BCO1: variants seen among roughly 807,000 people sequenced by gnomAD.
The protein encoded by BCO1 is beta-carotene oxygenase 1, also known as beta,beta-carotene 15,15'-dioxygenase.
In BCO1, 54 loss-of-function variants were observed where a neutral mutation model predicts 56.3. The ratio of observed to expected loss-of-function variants is 0.96; its 90% CI spans 0.77 to 1.20. The LOEUF (loss-of-function observed/expected upper bound fraction) is 1.20. Among genes scored for constraint, BCO1 ranks in the 50% most tolerant of loss-of-function variants. The pLI, the probability that BCO1 is intolerant of heterozygous loss-of-function variation, is 0.00. For missense variants in BCO1, 801 were observed against 690.9 expected, an observed-to-expected ratio of 1.16 and a Z score of -1.79; for synonymous variants, 318 against 266.1, an observed-to-expected ratio of 1.20 and a Z score of -1.90.
At chr16:81,244,075 T>C (rs2151925227) in intron 1 of BCO1, among the ~76,000 whole-genome samples, 1 of 152,342 alleles carries the variant, frequency 6.6e-6, no homozygotes, top group African/African-American at 2.4e-5. Context: ...TCCGAGGTGC[T>C]TCCTGCTCTT....
At chr16:81,269,938 C>T (rs1732636961) in intron 6 of BCO1, among the ~76,000 whole-genome samples, 1 of 152,236 alleles carries the variant, frequency 6.6e-6, no homozygotes, top group South Asian at 2.1e-4. Flanking sequence ...AAGCATCCCT[C>T]CTCTCCATCT....
In BCO1 at chr16:81,281,026, C is replaced by G. The variant is rs981788673; in HGVS notation, c.1207+64C>G. The G allele has an allele frequency of 4.2e-6, 5 of 1,180,506 alleles. No individual in the cohort carries two copies. The African/African-American group carries it at 6.0e-5, about 14-fold the overall frequency. 73.1% of individuals were successfully genotyped at this position (1,180,506 alleles called of 1,614,324 possible). A position where few individuals can be genotyped will look rare whatever the true frequency, so the allele number is the denominator to read the frequency against. Reference sequence around the variant, plus strand: ...CAGATTTTCACAGGGAGCCCAGAGGCCTCTTTACATAATAATTCCCTCCTG... The same window carrying G: ...CAGATTTTCACAGGGAGCCCAGAGGGCTCTTTACATAATAATTCCCTCCTG... On this transcript the variant is annotated intron_variant, in intron 8 of 10. Transcript: ENST00000258168.
At position 81,285,498 on chromosome 16, in the gene BCO1, C is replaced by G. The variant is rs371953358; in HGVS notation, c.1208-42C>G. 2.1e-6 allele frequency: 3 copies of G among 1,428,348 alleles called. No homozygotes were observed. In the African/African-American group the frequency reaches 4.2e-5, roughly 20 times the overall value. 88.5% of individuals were successfully genotyped at this position (1,428,348 alleles called of 1,614,324 possible). A position where few individuals can be genotyped will look rare whatever the true frequency, so the allele number is the denominator to read the frequency against. ...ACAGGAAGGGTGGATGCTCCCAGCC[C>G]CCAATGATAGGGGCTTCATCCACCT... On this transcript the variant is annotated intron_variant, in intron 8 of 10. Coordinates refer to ENST00000258168, the MANE Select transcript of BCO1 (RefSeq NM_017429.3).
intron 2 of BCO1, among the ~76,000 whole-genome samples, chr16:81,249,414 G>A (rs535931417): frequency 2.0e-5 from 3 of 152,002 alleles, no homozygotes; most frequent in Admixed American, 6.6e-5. Context: ...CCACCACCAC[G>A]CCTGGCTAAT....
In BCO1 at chr16:81,268,038, G is replaced by A. The variant is rs778999609; in HGVS notation, c.750G>A (p.Glu250=). 1 of 1,613,712 alleles carries A rather than the reference G, an allele frequency of 6.2e-7. No individual in the cohort carries two copies. The highest frequency in any genetic ancestry group is 8.5e-7 in the Non-Finnish European group (1 of 1,180,002). The change falls in exon 6 of 11, where the codon GAG becomes GAA. Residue 250 remains glutamate (E), a synonymous_variant. Transcript: ENST00000258168. ...CCGAGAACTATGTCATCTTCCTTGAGCAGCCTTTCAGGTTGGATATTCTCA... is the reference window on the plus strand; with the variant it reads ...CCGAGAACTATGTCATCTTCCTTGAACAGCCTTTCAGGTTGGATATTCTCA... ...GVTENYVIFL[E]QPFRLDILKM... is the part of the protein sequence containing the mutation.
intron 3 of BCO1, 74 bp downstream of exon 3, chr16:81,259,879 G>C: frequency 6.3e-7 from 1 of 1,578,998 alleles, no homozygotes; most frequent in Non-Finnish European, 8.7e-7. Context: ...ACCAGCATTT[G>C]CTCCTCTGAC....
At chr16:81,290,159 G>A (rs541647287) in intron 10 of BCO1, among the ~76,000 whole-genome samples, 189 bp from the exon 11 acceptor site, 1 of 152,098 alleles carries the variant, frequency 6.6e-6, no homozygotes, top group African/African-American at 2.4e-5. Context: ...CACCGCGCCC[G>A]GCCTAGAACC....
chr16:81,271,480 C>T (rs560437675), intron 7 of BCO1, among the ~76,000 whole-genome samples: 3 of 152,246 alleles, frequency 2.0e-5, no homozygotes, highest in South Asian at 2.1e-4. Context: ...TCCACCACCA[C>T]GATAAATTTT....
intron 2 of BCO1, among the ~76,000 whole-genome samples, chr16:81,246,850 CAAAA>C (rs71710906): frequency 3.6e-5 from 3 of 83,334 alleles, no homozygotes; most frequent in Non-Finnish European, 4.8e-5. Context: ...GACTTTGTCT[CAAAA>C]AAAAAAAAAA....
intron 7 of BCO1, among the ~76,000 whole-genome samples, chr16:81,278,899 G>A (rs925841423): frequency 6.6e-6 from 1 of 151,692 alleles, no homozygotes; most frequent in Admixed American, 6.6e-5. Context: ...GGACCCTTGC[G>A]GTTCAGCTGC....
intron 5 of BCO1, among the ~76,000 whole-genome samples, chr16:81,266,488 C>A (rs147752173): frequency 1.3e-5 from 2 of 152,034 alleles, no homozygotes; most frequent in Non-Finnish European, 2.9e-5. Context: ...TTGTAGAGCC[C>A]CCTGAGCAAA....
intron 6 of BCO1, among the ~76,000 whole-genome samples, chr16:81,269,042 A>G (rs1218365151): frequency 2.2e-5 from 3 of 134,352 alleles, no homozygotes; most frequent in Non-Finnish European, 4.6e-5. Context: ...CTGGGATTAC[A>G]TGTGTGAGCC....
intron 3 of BCO1, among the ~76,000 whole-genome samples, chr16:81,260,788 C>T (rs1906436885): frequency 6.6e-6 from 1 of 152,224 alleles, no homozygotes; most frequent in African/African-American, 2.4e-5. Context: ...GGATTACAGG[C>T]ATGAGCCACT....
intron 1 of BCO1, 49 bp downstream of exon 1, chr16:81,239,021 T>TG: frequency 1.4e-5 from 3 of 214,366 alleles, no homozygotes; most frequent in Non-Finnish European, 1.3e-5. Flanking sequence ...TATTTTATTA[T>TG]TTTTTTTTTT....
intron 1 of BCO1, among the ~76,000 whole-genome samples, chr16:81,242,232 C>T (rs1262867437): frequency 3.1e-5 from 4 of 127,850 alleles, no homozygotes; most frequent in Admixed American, 1.8e-4. Flanking sequence ...CGGAGTTTCA[C>T]TCTGTCGCCC....
intron 2 of BCO1, among the ~76,000 whole-genome samples, chr16:81,255,224 T>C (rs1207193608): frequency 6.6e-6 from 1 of 152,182 alleles, no homozygotes; most frequent in Non-Finnish European, 1.5e-5. Context: ...CTCAAACTGA[T>C]TGTTCTTGCT....
At chr16:81,285,479 A>G in intron 8 of BCO1, 61 bp from the exon 9 acceptor site, 1 of 1,208,774 alleles carries the variant, frequency 8.3e-7, no homozygotes, top group Admixed American at 1.7e-5. Flanking sequence ...TCTGACAGGA[A>G]GGGTGGATGC....
rs76073106 is a variant in BCO1 at position 81,259,602 on chromosome 16, A to T, written c.194-74A>T. On this transcript the variant is annotated intron_variant, in intron 2 of 10. Coordinates refer to ENST00000258168, the MANE Select transcript of BCO1 (RefSeq NM_017429.3). ...CCACCTTCTTCTCCCAGTAAAACCC[A>T]TACAAGGACTGACATTGATTTTAAA... 4.4e-6 allele frequency: 7 copies of T among 1,601,840 alleles called. No individual in the cohort carries two copies. In the South Asian group the frequency reaches 5.6e-5, roughly 13 times the overall value.
chr16:81,287,056 C>A (rs925812620), intron 9 of BCO1, among the ~76,000 whole-genome samples: 3 of 151,366 alleles, frequency 2.0e-5, no homozygotes, highest in African/African-American at 7.3e-5. Context: ...GCCTGGGCAA[C>A]AGCCTGGAAA....
Sources: allele counts gnomAD v4.1 joint callset (sites outside exome capture counted in the v4.1 genomes callset), GRCh38; gene constraint gnomAD v4.1.1; transcripts MANE v1.5; gene names NCBI Gene and HGNC (gene_info 2026-07-23, HGNC 2026-07-21).